The following CACNA1H variants were observed in gnomAD, a reference collection of about 807,000 sequenced individuals.
The protein encoded by CACNA1H is voltage-dependent T-type calcium channel subunit alpha-1H.
Under a neutral mutation model 192.5 loss-of-function variants are expected in CACNA1H, and 149 were observed. The observed-to-expected ratio is 0.77, with a 90% CI of 0.68 to 0.89. CACNA1H has a LOEUF of 0.89. CACNA1H is among the 40% of genes least tolerant of loss of function. CACNA1H has a pLI of 0.00. For synonymous variants in CACNA1H, 2,202 were observed against 1,475.2 expected (o/e 1.49, Z -11.29); for missense variants, 4,257 against 3,423.5 (o/e 1.24, Z -6.08).
At chr16:1,212,300 A>G in intron 25 of CACNA1H, 162 bp downstream of exon 25, 1 of 1,222,038 alleles carries the variant, frequency 8.2e-7, no homozygotes, top group Non-Finnish European at 1.1e-6. Flanking sequence ...GGCTGGCCCG[A>G]GAGGGCCGTC....
At chr16:1,208,495 CAG>C (rs1031084318) in intron 16 of CACNA1H, among the ~76,000 whole-genome samples, 13 of 152,208 alleles carry the variant, frequency 8.5e-5, no homozygotes, top group Admixed American at 5.2e-4. Flanking sequence ...CCGAAGCAAG[CAG>C]GGGCAGAAGC....
intron 2 of CACNA1H, among the ~76,000 whole-genome samples, chr16:1,162,961 G>A (rs1187059378): frequency 1.3e-5 from 2 of 152,250 alleles, no homozygotes; most frequent in Non-Finnish European, 2.9e-5. Context: ...CTGCGGCCAC[G>A]CGGAGCTATC....
At chr16:1,217,791 C>T in intron 31 of CACNA1H, 128 bp from the exon 32 acceptor site, 3 of 1,272,332 alleles carry the variant, frequency 2.4e-6, no homozygotes, top group Admixed American at 2.6e-5. Context: ...ACCGCCAGGG[C>T]CTCGTCATCC....
In CACNA1H at chr16:1,154,016, C is replaced by T. The variant is rs766061463; in HGVS notation, c.279C>T (p.Cys93=). ...LGQTTRPRSW[C]LRLVCNPWFE... is the part of the protein sequence containing the mutation. ...AGACCACGCGGCCGCGCAGCTGGTG[C>T]CTCCGGCTGGTCTGCAACCCATATC... is the stretch of plus-strand genomic sequence containing the variant. Residue 93 remains cysteine, a synonymous_variant, in exon 2 of 35, where the codon TGC becomes TGT. Coordinates refer to ENST00000348261, the MANE Select transcript of CACNA1H (RefSeq NM_021098.3). 8.5e-6 allele frequency: 12 copies of T among 1,412,954 alleles called. No individual in the cohort carries two copies. The highest frequency in any genetic ancestry group is 6.0e-5 in the African/African-American group (4 of 66,768). 87.5% of individuals were successfully genotyped at this position (1,412,954 alleles called of 1,614,324 possible). A position where few individuals can be genotyped will look rare whatever the true frequency, so the allele number is the denominator to read the frequency against.
At chr16:1,181,141 G>A (rs898646890) in intron 2 of CACNA1H, among the ~76,000 whole-genome samples, 1 of 152,232 alleles carries the variant, frequency 6.6e-6, no homozygotes, top group Non-Finnish European at 1.5e-5. Context: ...AGGGGCAGGC[G>A]GCCGTCTTCC....
At chr16:1,198,020 C>T (rs182332460) in intron 5 of CACNA1H, among the ~76,000 whole-genome samples, 162 of 152,292 alleles carry the variant, frequency 1.1e-3, no homozygotes, top group African/African-American at 3.5e-3. Flanking sequence ...AGCAGCCTCT[C>T]TCTGAGATGG....
In CACNA1H at chr16:1,208,192, G is replaced by A. The variant is rs1297779114; in HGVS notation, c.3334G>A (p.Asp1112Asn). The stretch of plus-strand genomic sequence containing the variant: ...TCGGCGTGGCAGCAGCAGCTCCGGG[G>A]ACCCGCCACTGGGAGACCAGAAGCC... Reference protein sequence around the residue: ...DSRRGSSSSGDPPLGDQKPPA... With the variant: ...DSRRGSSSSGNPPLGDQKPPA... Residue 1112 changes from aspartate to asparagine, a missense_variant, in exon 16 of 35, where the codon GAC (aspartate) becomes AAC (asparagine). Transcript: ENST00000348261. The A allele has an allele frequency of 1.3e-6, 2 of 1,548,844 alleles. No homozygotes were observed. The highest frequency in any genetic ancestry group is 1.7e-6 in the Non-Finnish European group (2 of 1,149,312).
At chr16:1,158,614 G>C (rs762906533) in intron 2 of CACNA1H, among the ~76,000 whole-genome samples, 12 of 152,218 alleles carry the variant, frequency 7.9e-5, no homozygotes. Context: ...CGATGGACTC[G>C]GGACTCAGGC....
chr16:1,218,857 C>T (rs993487185), intron 33 of CACNA1H, 113 bp from the exon 34 acceptor site: 4 of 996,768 alleles, frequency 4.0e-6, no homozygotes, highest in African/African-American at 4.1e-5. Flanking sequence ...ACGGGTCGGG[C>T]TGGGGCTGGC....
intron 2 of CACNA1H, among the ~76,000 whole-genome samples, chr16:1,193,645 A>T (rs1966805818): frequency 6.6e-6 from 1 of 152,204 alleles, no homozygotes; most frequent in African/African-American, 2.4e-5. Context: ...GCAGTGTTAC[A>T]GCAGAGGCGC....
chr16:1,212,156 G>A lies in CACNA1H; in HGVS notation c.4759+18G>A. ...GCGCAGGAGTAAGGCGCTCCCGGTG[G>A]CGGTGGCGGTGGCGGGTCGGTACCT... On this transcript the variant is annotated intron_variant, in intron 25 of 34. Coordinates refer to ENST00000348261, the MANE Select transcript of CACNA1H (RefSeq NM_021098.3). 1 of 1,590,400 alleles carries A rather than the reference G, an allele frequency of 6.3e-7. No individual in the cohort carries two copies. The highest frequency in any genetic ancestry group is 1.1e-5 in the South Asian group (1 of 90,388).
At chr16:1,170,252 T>C (rs921402273) in intron 2 of CACNA1H, among the ~76,000 whole-genome samples, 1 of 152,104 alleles carries the variant, frequency 6.6e-6, no homozygotes, top group African/African-American at 2.4e-5. Flanking sequence ...TGCAGAGCCT[T>C]CTTTGTGAGG....
chr16:1,201,566 C>G, intron 8 of CACNA1H, 97 bp from the exon 9 acceptor site: 2 of 1,401,510 alleles, frequency 1.4e-6, no homozygotes, highest in South Asian at 2.9e-5. Flanking sequence ...GTGCCTGTGA[C>G]GCGGCCCCCA....
rs769827505 is a variant in CACNA1H at position 1,200,246 on chromosome 16, C to T, written c.804-10C>T. 5 of 1,587,898 alleles carry T rather than the reference C, an allele frequency of 3.1e-6. No individual in the cohort carries two copies. Among genetic ancestry groups the T allele is most frequent in the Non-Finnish European group, 4.3e-6 (5 of 1,166,174 alleles). On this transcript the variant is annotated splice_polypyrimidine_tract_variant and intron_variant, in intron 6 of 34. Coordinates refer to ENST00000348261, the MANE Select transcript of CACNA1H (RefSeq NM_021098.3). ...TTGTACCTTTTGGCCCTGGCTGTGC[C>T]CATCCCCAGGAACAACAACCTGACC...
chr16:1,176,298 G>T (rs536256290), intron 2 of CACNA1H, among the ~76,000 whole-genome samples: 2 of 152,364 alleles, frequency 1.3e-5, no homozygotes, highest in South Asian at 4.1e-4. Context: ...CGGGAGGGCA[G>T]GGGCGAGGCG....
At chr16:1,165,252 C>T (rs1046000765) in intron 2 of CACNA1H, among the ~76,000 whole-genome samples, 1 of 152,156 alleles carries the variant, frequency 6.6e-6, no homozygotes, top group African/African-American at 2.4e-5. Context: ...ATTCTAGAAG[C>T]CAGATGTAGC....
At position 1,199,494 on chromosome 16, in the gene CACNA1H, A is replaced by G. The variant is rs12918213; in HGVS notation, c.803+720A>G. Among the ~76,000 whole-genome samples the G allele has an allele frequency of 1.0e-3, 48 of 47,968 alleles. 8 individuals carry two copies. The highest frequency in any genetic ancestry group is 2.5e-3 in the African/African-American group (24 of 9,734). 31.5% of individuals were successfully genotyped at this position (47,968 alleles called of 152,430 possible). ...TCATGGCTCCACCCACCGTGCGGTC[A>G]TTGCACATATGTCCCACCCCCAGTG... On this transcript the variant is annotated intron_variant, in intron 6 of 34. Coordinates refer to ENST00000348261, the MANE Select transcript of CACNA1H (RefSeq NM_021098.3).
chr16:1,218,185 G>A (rs377526957), intron 32 of CACNA1H, 25 bp from the exon 33 acceptor site: 31 of 1,542,866 alleles, frequency 2.0e-5, no homozygotes, highest in African/African-American at 1.4e-4. Flanking sequence ...TGTGGACCCC[G>A]GCCCACAGCT....
intron 2 of CACNA1H, among the ~76,000 whole-genome samples, chr16:1,154,990 G>A (rs922638817): frequency 5.9e-5 from 9 of 152,162 alleles, no homozygotes; most frequent in African/African-American, 2.2e-4. Flanking sequence ...CCGGGCCTGG[G>A]GACGGGTGGA....
Sources: allele counts gnomAD v4.1 joint callset (sites outside exome capture counted in the v4.1 genomes callset), GRCh38; gene constraint gnomAD v4.1.1; transcripts MANE v1.5; gene names NCBI Gene and HGNC (gene_info 2026-07-23, HGNC 2026-07-21).